Variants in F10 observed in about 807,000 individuals in gnomAD.
F10 encodes the protein Stuart-Prower factor.
In F10, 29 loss-of-function variants were observed where a neutral mutation model predicts 37.1. The observed-to-expected ratio is 0.78, with a 90% CI of 0.58 to 1.07. The LOEUF (loss-of-function observed/expected upper bound fraction) is 1.07, where lower values mean the gene tolerates loss of function less well. Among genes scored for constraint, F10 ranks in the 50% least tolerant of loss-of-function variants. F10 has a pLI of 0.00. For missense variants in F10, 539 were observed against 667.9 expected, an observed-to-expected ratio of 0.81 and a Z score of 2.13; for synonymous variants, 262 against 268.6, an observed-to-expected ratio of 0.98 and a Z score of 0.24.
intron 1 of F10, among the ~76,000 whole-genome samples, chr13:113,126,722 G>A (rs150303295): frequency 4.3e-4 from 66 of 152,314 alleles, no homozygotes; most frequent in East Asian, 1.9e-4. Flanking sequence ...GGCAGAACGC[G>A]GTCTTCAGAC....
chr13:113,137,515 G>A (rs990247665), intron 2 of F10, among the ~76,000 whole-genome samples: 8 of 152,162 alleles, frequency 5.3e-5, no homozygotes, highest in African/African-American at 1.9e-4. Flanking sequence ...AAAAAAGTAA[G>A]AAGATAGTGT....
chr13:113,132,464 T>C (rs577846854), intron 2 of F10, among the ~76,000 whole-genome samples: 1 of 152,354 alleles, frequency 6.6e-6, no homozygotes, highest in South Asian at 2.1e-4. Context: ...TATGCATGCA[T>C]TTCTTCTAGA....
chr13:113,140,955 G>C lies in F10; in HGVS notation c.407G>C (p.Cys136Ser). The change falls in exon 5 of 8, where the codon TGT (cysteine) becomes TCT (serine). Residue 136 changes from cysteine (C) to serine (S), a missense_variant. Transcript: ENST00000375559. Reference sequence around the variant, plus strand: ...CTCTGCAGCCTGGACAACGGGGACTGTGACCAGTTCTGCCACGAGGAACAG... The same window carrying C: ...CTCTGCAGCCTGGACAACGGGGACTCTGACCAGTTCTGCCACGAGGAACAG... ...RKLCSLDNGD[C>S]DQFCHEEQNS... The C allele has an allele frequency of 6.2e-7, 1 of 1,614,134 alleles. No individual in the cohort carries two copies. Among genetic ancestry groups the C allele is most frequent in the African/African-American group, 1.3e-5 (1 of 75,068 alleles).
At chr13:113,140,435 G>T in intron 4 of F10, 1 of 449,440 alleles carries the variant, frequency 2.2e-6, no homozygotes, top group South Asian at 1.6e-5. Context: ...AGTTTTCCCT[G>T]ATGAGAATAT....
chr13:113,132,417 A>G (rs1044905199), intron 2 of F10, among the ~76,000 whole-genome samples: 3 of 152,246 alleles, frequency 2.0e-5, no homozygotes, highest in Non-Finnish European at 2.9e-5. Context: ...GTTTGGCCAT[A>G]TAAGTTATTT....
chr13:113,129,121 A>G (rs1304727827), intron 1 of F10, among the ~76,000 whole-genome samples: 1 of 152,186 alleles, frequency 6.6e-6, no homozygotes, highest in Non-Finnish European at 1.5e-5. Context: ...TTATTGCTAC[A>G]AAGACTCTGT....
intron 2 of F10, chr13:113,131,100 T>C (rs1368841704): frequency 6.6e-6 from 1 of 152,242 alleles, no homozygotes; most frequent in Non-Finnish European, 1.5e-5. Flanking sequence ...ACAAGGTTTT[T>C]GGATGAGTTG....
chr13:113,149,083 G>C lies in F10; in HGVS notation c.1033G>C (p.Glu345Gln). The change falls in exon 8 of 8, where the codon GAG (glutamate) becomes CAG (glutamine). Residue 345 changes from glutamate to glutamine, a missense_variant. Physicochemically the swap from Glu to Gln is conservative, Grantham distance 29 (BLOSUM62 2). This residue lies in a region of F10 where 409 missense variants were observed against 547.9 expected (regional missense o/e 0.75). Coordinates refer to ENST00000375559, the MANE Select transcript of F10 (RefSeq NM_000504.4). The surrounding 1 kb of genome is among the most constrained non-coding windows in gnomAD (Gnocchi z 7.5). ...GAACGTGGCGCCTGCCTGCCTCCCC[G>C]AGCGTGACTGGGCCGAGTCCACGCT... ...RMNVAPACLP[E>Q]RDWAESTLMT... 1.2e-6 allele frequency: 2 copies of C among 1,613,174 alleles called. No individual in the cohort carries two copies. The highest frequency in any genetic ancestry group is 1.1e-5 in the South Asian group (1 of 91,060).
chr13:113,131,565 T>G (rs2036434364), intron 2 of F10: 1 of 152,306 alleles, frequency 6.6e-6, no homozygotes, highest in African/African-American at 2.4e-5. Context: ...AAAAAATTAT[T>G]GGTGATATCT....
chr13:113,129,141 C>T (rs1032829034), intron 1 of F10, among the ~76,000 whole-genome samples: 35 of 152,104 alleles, frequency 2.3e-4, no homozygotes, highest in Non-Finnish European at 1.0e-4. Flanking sequence ...TTTGGTCAGC[C>T]TCAAGGTCTC....
At position 113,141,866 on chromosome 13, in the gene F10, G is replaced by T. The variant is rs2036531209; in HGVS notation, c.502+816G>T. Among the ~76,000 whole-genome samples the T allele has an allele frequency of 6.6e-6, 1 of 152,316 alleles. No homozygotes were observed. The highest frequency in any genetic ancestry group is 1.5e-5 in the Non-Finnish European group (1 of 68,024). Reference sequence around the variant, plus strand: ...GAGTTCCAGGCCCGCCTTTTCAAGAGCCTGGTGACCCAGCTCACCTTCCGG... The same window carrying T: ...GAGTTCCAGGCCCGCCTTTTCAAGATCCTGGTGACCCAGCTCACCTTCCGG... On this transcript the variant is annotated intron_variant, in intron 5 of 7. Transcript: ENST00000375559. This position sits in a 1 kb window ranked among gnomAD's most constrained non-coding sequence, Gnocchi z 5.4.
chr13:113,131,772 A>T (rs2036436593), intron 2 of F10: 1 of 152,286 alleles, frequency 6.6e-6, no homozygotes, highest in Non-Finnish European at 1.5e-5. Context: ...TCATGAAGAT[A>T]GCTGAATGTT....
intron 5 of F10, among the ~76,000 whole-genome samples, chr13:113,142,754 T>A (rs1292540728): frequency 9.8e-6 from 1 of 102,458 alleles, no homozygotes; most frequent in African/African-American, 3.5e-5. Flanking sequence ...GGTGAAACCC[T>A]GTCTCTATAA....
Position 113,149,020 on chromosome 13 carries a change from G to C in F10, c.970G>C (p.Ala324Pro), listed in dbSNP as rs1248438558. The change falls in exon 8 of 8, where the codon GCC becomes CCC. Residue 324 changes from alanine to proline, a missense_variant. Ala to Pro is a conservative substitution (Grantham distance 27). Coordinates refer to ENST00000375559, the MANE Select transcript of F10 (RefSeq NM_000504.4). This position sits in a 1 kb window ranked among gnomAD's most constrained non-coding sequence, Gnocchi z 7.5. ...FTKETYDFDI[A>P]VLRLKTPITF... is the part of the protein sequence containing the mutation. ...AAAGGAGACCTATGACTTCGACATC[G>C]CCGTGCTCCGGCTCAAGACCCCCAT... 1 of 1,613,444 alleles carries C rather than the reference G, an allele frequency of 6.2e-7. No homozygotes were observed. The highest frequency in any genetic ancestry group is 8.5e-7 in the Non-Finnish European group (1 of 1,180,022).
Position 113,133,915 on chromosome 13 carries a change from ACATC to A in F10, c.231+4306_231+4309del, listed in dbSNP as rs371616333. ...TAATCCACCATATAAACAAAAGAGA[ACATC>A]CACATAATCATGTCAATTGATGCAA... On this transcript the variant is annotated intron_variant, in intron 2 of 7. Transcript: ENST00000375559. Among the ~76,000 whole-genome samples the A allele has an allele frequency of 2.6e-4, 39 of 152,362 alleles. No homozygotes were observed. In the East Asian group the frequency reaches 5.8e-3, roughly 23 times the overall value.
At chr13:113,125,429 A>G (rs1443890049) in intron 1 of F10, among the ~76,000 whole-genome samples, 2 of 152,252 alleles carry the variant, frequency 1.3e-5, no homozygotes, top group African/African-American at 4.8e-5. Context: ...TGCCAAAACA[A>G]CAAACACAAC....
intron 2 of F10, among the ~76,000 whole-genome samples, chr13:113,136,242 G>A (rs147052139): frequency 8.5e-5 from 13 of 152,272 alleles, no homozygotes; most frequent in Non-Finnish European, 1.9e-4. Context: ...CGCTGGTTAA[G>A]ACACGGAGAA....
intron 2 of F10, among the ~76,000 whole-genome samples, chr13:113,138,102 T>C (rs1200383850): frequency 6.6e-6 from 1 of 152,252 alleles, no homozygotes; most frequent in African/African-American, 2.4e-5. Context: ...GTGACCCTTG[T>C]CTGAATGTTA....
In F10 at chr13:113,141,008, GGGTACACCCT is replaced by G; in HGVS notation, c.463_472del (p.Tyr155LeufsTer109). The G allele has an allele frequency of 6.2e-7, 1 of 1,614,050 alleles. No homozygotes were observed. Reference sequence around the variant, plus strand: ...CTCTGTGGTGTGCTCCTGCGCCCGCGGGTACACCCTGGCTGACAACGGCAAGGCCTGCATT... The same window carrying G: ...CTCTGTGGTGTGCTCCTGCGCCCGCGGGCTGACAACGGCAAGGCCTGCATT... On this transcript the variant is annotated frameshift_variant, in exon 5 of 8. Coordinates refer to ENST00000375559, the MANE Select transcript of F10 (RefSeq NM_000504.4). LOFTEE classifies it high-confidence loss of function. The surrounding 1 kb of genome is among the most constrained non-coding windows in gnomAD (Gnocchi z 5.4).
Sources: allele counts gnomAD v4.1 joint callset (sites outside exome capture counted in the v4.1 genomes callset), GRCh38; gene constraint gnomAD v4.1.1; regional missense constraint gnomAD v4.1.1; non-coding constraint Gnocchi (gnomAD v3.1); transcripts MANE v1.5; gene names NCBI Gene and HGNC (gene_info 2026-07-23, HGNC 2026-07-21).